Variants in ITPR2 observed in about 807,000 individuals in gnomAD.
The protein encoded by ITPR2 is inositol 1,4,5-trisphosphate-gated calcium channel ITPR2.
A neutral mutation model predicts 317.1 loss-of-function variants in ITPR2; 207 were observed. That is an observed-to-expected ratio of 0.65 (90% CI 0.58 to 0.73). ITPR2 has a LOEUF of 0.73. ITPR2 is among the 30% of genes least tolerant of loss of function. ITPR2 has a pLI of 0.00. For synonymous variants in ITPR2, 1,156 were observed against 1,149.1 expected (o/e 1.01, Z -0.12); for missense variants, 2,613 against 3,284.0 (o/e 0.80, Z 4.99).
chr12:26,599,859 G>T, intron 29 of ITPR2, 128 bp downstream of exon 29: 1 of 682,162 alleles, frequency 1.5e-6, no homozygotes, highest in Non-Finnish European at 2.4e-6. Flanking sequence ...TTCACTTCTG[G>T]AGAGAGAATT....
intron 2 of ITPR2, among the ~76,000 whole-genome samples, chr12:26,727,686 C>G (rs1948954020): frequency 6.6e-6 from 1 of 152,154 alleles, no homozygotes; most frequent in Admixed American, 6.5e-5. Context: ...GGGTCATGCC[C>G]TGCACGAACA....
chr12:26,676,073 G>A (rs752077552), intron 13 of ITPR2, among the ~76,000 whole-genome samples: 7 of 151,900 alleles, frequency 4.6e-5, no homozygotes, highest in East Asian at 1.9e-4. Flanking sequence ...CAGGAGAATC[G>A]CTTGAACCCA....
intron 2 of ITPR2, among the ~76,000 whole-genome samples, chr12:26,740,591 T>C (rs1949213691): frequency 6.6e-6 from 1 of 152,226 alleles, no homozygotes; most frequent in Non-Finnish European, 1.5e-5. Flanking sequence ...AATGCTTTTA[T>C]AGACTTCAAT....
In ITPR2 at chr12:26,483,836, A is replaced by C; in HGVS notation, c.5874T>G (p.Phe1958Leu). 1 of 1,614,210 alleles carries C rather than the reference A, an allele frequency of 6.2e-7. No individual in the cohort carries two copies. Among genetic ancestry groups the C allele is most frequent in the Non-Finnish European group, 8.5e-7 (1 of 1,180,036 alleles). Residue 1958 changes from phenylalanine to leucine, a missense_variant, in exon 42 of 57, where the codon TTT (phenylalanine) becomes TTG (leucine). Phe to Leu is a conservative substitution (Grantham distance 22, BLOSUM62 0). This residue lies in a region of ITPR2 where 926 missense variants were observed against 1,072.8 expected (regional missense o/e 0.86). Coordinates refer to ENST00000381340, the MANE Select transcript of ITPR2 (RefSeq NM_002223.4). Reference protein sequence around the residue: ...NYNLVCETLQFLDCICGSTTG... With the variant: ...NYNLVCETLQLLDCICGSTTG... The stretch of plus-strand genomic sequence containing the variant: ...TTGTACTTCCACAAATGCAGTCCAG[A>C]AACTGAAGGGTCTCACAGACTAGGT...
rs1382349045 is a variant in ITPR2 at position 26,563,485 on chromosome 12, G to C, written c.4631-1533C>G. Among the ~76,000 whole-genome samples, 6 of 151,928 alleles carry C rather than the reference G, an allele frequency of 3.9e-5. No homozygotes were observed. In the South Asian group the frequency reaches 6.2e-4, roughly 16 times the overall value. On this transcript the variant is annotated intron_variant, in intron 34 of 56. Coordinates refer to ENST00000381340, the MANE Select transcript of ITPR2 (RefSeq NM_002223.4). ...CTCAGGAAGCTGAGGCAGGAGAATC[G>C]CTTGAACCCAGTAGGCAGAGGTTGC...
intron 37 of ITPR2, among the ~76,000 whole-genome samples, chr12:26,530,457 C>T (rs1007500021): frequency 2.6e-5 from 4 of 152,178 alleles, no homozygotes; most frequent in Non-Finnish European, 4.4e-5. Context: ...TCATATTTCC[C>T]GTGAATCCTG....
intron 35 of ITPR2, among the ~76,000 whole-genome samples, 187 bp downstream of exon 35, chr12:26,561,575 T>C (rs536281778): frequency 6.6e-6 from 1 of 152,294 alleles, no homozygotes; most frequent in Non-Finnish European, 1.5e-5. Context: ...TATACACTCA[T>C]TAAAAAATAA....
chr12:26,776,179 C>A (rs200611674), intron 2 of ITPR2, among the ~76,000 whole-genome samples: 1 of 151,848 alleles, frequency 6.6e-6, no homozygotes, highest in African/African-American at 2.4e-5. Context: ...TAAAGAGTTA[C>A]GCAAAATAAA....
At chr12:26,679,582 T>C (rs1947988272) in intron 13 of ITPR2, among the ~76,000 whole-genome samples, 1 of 152,218 alleles carries the variant, frequency 6.6e-6, no homozygotes, top group African/African-American at 2.4e-5. Flanking sequence ...TTCTTCTAAT[T>C]GCTTAAACAC....
intron 21 of ITPR2, among the ~76,000 whole-genome samples, chr12:26,635,707 T>C (rs574312622): frequency 1.3e-5 from 2 of 152,378 alleles, no homozygotes; most frequent in East Asian, 1.9e-4. Flanking sequence ...GACATGATTC[T>C]GGAAGTCTTC....
At chr12:26,658,837 A>G (rs1275979131) in intron 16 of ITPR2, among the ~76,000 whole-genome samples, 2 of 152,246 alleles carry the variant, frequency 1.3e-5, no homozygotes, top group African/African-American at 4.8e-5. Flanking sequence ...TAAATGAGAT[A>G]ATGTATATGA....
chr12:26,436,219 G>C lies in ITPR2; in HGVS notation c.6769+2C>G. ...ATATTTTAAGGAAAAACGAGCACTTGCCTTCATCTCCATCATCCCCAAATG... is the reference window on the plus strand; with the variant it reads ...ATATTTTAAGGAAAAACGAGCACTTCCCTTCATCTCCATCATCCCCAAATG... On this transcript the variant is annotated splice_donor_variant, in intron 48 of 56. Transcript: ENST00000381340. LOFTEE classifies it high-confidence loss of function. 1 of 1,584,960 alleles carries C rather than the reference G, an allele frequency of 6.3e-7. No homozygotes were observed. The highest frequency in any genetic ancestry group is 8.5e-7 in the Non-Finnish European group (1 of 1,170,356).
intron 39 of ITPR2, among the ~76,000 whole-genome samples, chr12:26,489,662 G>C (rs908216114): frequency 6.6e-6 from 1 of 152,142 alleles, no homozygotes; most frequent in Non-Finnish European, 1.5e-5. Flanking sequence ...CTATCATTAG[G>C]TTCCATTTGA....
intron 32 of ITPR2, among the ~76,000 whole-genome samples, chr12:26,590,965 A>G (rs1203142572): frequency 6.6e-6 from 1 of 151,490 alleles, no homozygotes; most frequent in Non-Finnish European, 1.5e-5. Flanking sequence ...CTGTAGTCCC[A>G]GCTACTCGGG....
chr12:26,412,444 G>T (rs973009949), intron 51 of ITPR2, among the ~76,000 whole-genome samples: 1 of 152,126 alleles, frequency 6.6e-6, no homozygotes, highest in Non-Finnish European at 1.5e-5. Flanking sequence ...GTGCGGGTGT[G>T]GGGGGTCAGA....
In ITPR2 at chr12:26,337,974, G is replaced by C. The variant is rs1332193730; in HGVS notation, c.*1423C>G. On this transcript the variant is annotated 3_prime_UTR_variant, in exon 57 of 57. Transcript: ENST00000381340. ...AATCCAAAAGCTTTAAAAATTGTCA[G>C]AGCAAACCCTATAGCAAACCCTATC... is the stretch of plus-strand genomic sequence containing the variant. The C allele has an allele frequency of 6.6e-6, 1 of 152,276 alleles. No homozygotes were observed. Among genetic ancestry groups the C allele is most frequent in the East Asian group, 1.9e-4 (1 of 5,182 alleles). The allele number at this position is 152,276 out of a possible 1,614,324, so 9.4% of individuals were successfully genotyped here. A position where few individuals can be genotyped will look rare whatever the true frequency, so the allele number is the denominator to read the frequency against.
intron 54 of ITPR2, among the ~76,000 whole-genome samples, chr12:26,393,726 CAA>C (rs1418448893): frequency 6.6e-6 from 1 of 152,182 alleles, no homozygotes; most frequent in Non-Finnish European, 1.5e-5. Context: ...AGAAAACAGA[CAA>C]TATTGATCTT....
At chr12:26,641,756 A>G (rs764745191) in intron 21 of ITPR2, among the ~76,000 whole-genome samples, 2 of 152,138 alleles carry the variant, frequency 1.3e-5, no homozygotes, top group African/African-American at 2.4e-5. Flanking sequence ...CTACTTTACT[A>G]TGTGCATTTG....
At chr12:26,379,596 C>A (rs1939444269) in intron 55 of ITPR2, among the ~76,000 whole-genome samples, 1 of 152,144 alleles carries the variant, frequency 6.6e-6, no homozygotes, top group Non-Finnish European at 1.5e-5. Context: ...AATACGCCCT[C>A]CCCCTATACC....
Sources: allele counts gnomAD v4.1 joint callset (sites outside exome capture counted in the v4.1 genomes callset), GRCh38; gene constraint gnomAD v4.1.1; regional missense constraint gnomAD v4.1.1; transcripts MANE v1.5; gene names NCBI Gene and HGNC (gene_info 2026-07-23, HGNC 2026-07-21).